TAFA4: variants seen among roughly 807,000 people sequenced by gnomAD.
TAFA4 encodes the protein chemokine-like protein TAFA-4.
A neutral mutation model predicts 21.1 loss-of-function variants in TAFA4; 20 were observed. That is an observed-to-expected ratio of 0.95 (90% CI 0.67 to 1.38). TAFA4 has a LOEUF of 1.38. TAFA4 is among the 40% of genes most tolerant of loss of function. The pLI, the probability that TAFA4 is intolerant of heterozygous loss-of-function variation, is 0.00. For synonymous variants in TAFA4, 71 were observed against 67.4 expected (o/e 1.05, Z -0.26); for missense variants, 211 against 180.9 (o/e 1.17, Z -0.95).
At chr3:68,753,121 C>G in intron 3 of TAFA4, 103 bp from the exon 4 acceptor site, 2 of 1,007,350 alleles carry the variant, frequency 2.0e-6, no homozygotes, top group African/African-American at 1.6e-5. Context: ...ACTTCCTGTG[C>G]TATGCTTATG....
intron 1 of TAFA4, among the ~76,000 whole-genome samples, chr3:68,922,995 T>C (rs571157327): frequency 6.6e-6 from 1 of 152,282 alleles, no homozygotes; most frequent in East Asian, 1.9e-4. Flanking sequence ...GTTCTAACCA[T>C]TGCCATTTTC....
At chr3:68,815,518 C>T in intron 3 of TAFA4, among the ~76,000 whole-genome samples, 2 of 152,176 alleles carry the variant, frequency 1.3e-5, no homozygotes, top group Non-Finnish European at 2.9e-5. Flanking sequence ...TGAACAGACA[C>T]TTCTCAAAAG....
chr3:68,824,706 T>G (rs1032304), intron 3 of TAFA4, among the ~76,000 whole-genome samples: 1 of 151,990 alleles, frequency 6.6e-6, no homozygotes, highest in Non-Finnish European at 1.5e-5. Context: ...TGACACAGAA[T>G]GCAATGTTTT....
chr3:68,869,758 C>G (rs1037624872), intron 3 of TAFA4, among the ~76,000 whole-genome samples: 9 of 151,850 alleles, frequency 5.9e-5, no homozygotes, highest in East Asian at 1.9e-4. Context: ...TAACATACTG[C>G]TTGGGGGGAA....
chr3:68,736,679 TG>T (rs1191522193), intron 5 of TAFA4, among the ~76,000 whole-genome samples: 1 of 152,102 alleles, frequency 6.6e-6, no homozygotes, highest in African/African-American at 2.4e-5. Flanking sequence ...GTCTTACCTG[TG>T]GTGTAAGGTC....
At chr3:68,880,591 T>G in intron 3 of TAFA4, 139 bp downstream of exon 3, 1 of 645,052 alleles carries the variant, frequency 1.6e-6, no homozygotes, top group Non-Finnish European at 2.7e-6. Context: ...ACTGTGTTAC[T>G]CCGCCATATT....
In TAFA4 at chr3:68,752,910, G is replaced by C. The variant is rs146024975; in HGVS notation, c.239C>G (p.Pro80Arg). ...RSQTVKCSCF[P>R]GQVAGTTRAQ... ...CCGAGTTGTGCCCGCCACCTGTCCC[G>C]GGAAGCAAGAGCACTTGACCGTTTG... is the stretch of plus-strand genomic sequence containing the variant. Residue 80 changes from proline (P) to arginine (R), a missense_variant, in exon 4 of 6, where the codon CCG becomes CGG. Pro to Arg is a moderately radical substitution (Grantham distance 103, BLOSUM62 -2). Coordinates refer to ENST00000295569, the MANE Select transcript of TAFA4 (RefSeq NM_182522.5). The C allele has an allele frequency of 3.1e-6, 5 of 1,613,882 alleles. No homozygotes were observed. The highest frequency in any genetic ancestry group is 4.2e-6 in the Non-Finnish European group (5 of 1,180,012).
intron 3 of TAFA4, among the ~76,000 whole-genome samples, chr3:68,840,963 T>C (rs1490362710): frequency 6.6e-6 from 1 of 152,192 alleles, no homozygotes; most frequent in Non-Finnish European, 1.5e-5. Context: ...CTGCTACCAA[T>C]ACGATAGCAC....
chr3:68,792,028 C>A (rs183105723), intron 3 of TAFA4, among the ~76,000 whole-genome samples: 59 of 152,254 alleles, frequency 3.9e-4, no homozygotes, highest in Non-Finnish European at 6.8e-4. Context: ...AGAGGACTTT[C>A]AATATGTAAT....
chr3:68,753,287 A>C (rs62254074), intron 3 of TAFA4, among the ~76,000 whole-genome samples: 59,329 of 150,920 alleles, frequency 0.39, 12,741 homozygotes, highest in Non-Finnish European at 0.49. Flanking sequence ...ATGACACATT[A>C]ATTACATGAT....
intron 1 of TAFA4, among the ~76,000 whole-genome samples, chr3:68,906,361 T>C (rs188455210): frequency 1.3e-5 from 2 of 152,346 alleles, no homozygotes; most frequent in East Asian, 3.9e-4. Context: ...CTTTTACTCT[T>C]GAGGGACTCA....
chr3:68,760,957 G>GAGAC (rs1702746082), intron 3 of TAFA4, among the ~76,000 whole-genome samples: 2 of 152,208 alleles, frequency 1.3e-5, no homozygotes, highest in African/African-American at 4.8e-5. Flanking sequence ...GTAGAAGAGA[G>GAGAC]AGACCCCTGT....
intron 3 of TAFA4, among the ~76,000 whole-genome samples, chr3:68,869,780 T>C (rs1169885036): frequency 6.6e-6 from 1 of 151,618 alleles, no homozygotes; most frequent in Non-Finnish European, 1.5e-5. Flanking sequence ...TTGAAAGACA[T>C]TTCTCTAAGA....
intron 3 of TAFA4, among the ~76,000 whole-genome samples, chr3:68,818,149 T>C (rs1208327119): frequency 6.6e-6 from 1 of 152,222 alleles, no homozygotes; most frequent in Non-Finnish European, 1.5e-5. Context: ...ATATCAGCAC[T>C]TGGCTACTTC....
At chr3:68,891,071 A>T (rs1253840710) in intron 1 of TAFA4, among the ~76,000 whole-genome samples, 1 of 152,136 alleles carries the variant, frequency 6.6e-6, no homozygotes, top group Non-Finnish European at 1.5e-5. Flanking sequence ...CTTCACCACC[A>T]TTTTTTTAAA....
chr3:68,833,992 C>T (rs773809501), intron 3 of TAFA4, among the ~76,000 whole-genome samples: 1 of 152,182 alleles, frequency 6.6e-6, no homozygotes, highest in Non-Finnish European at 1.5e-5. Context: ...GAGAGGCAGA[C>T]ACATATTCCC....
At chr3:68,887,466 G>C (rs2089684619) in intron 1 of TAFA4, among the ~76,000 whole-genome samples, 1 of 152,068 alleles carries the variant, frequency 6.6e-6, no homozygotes, top group South Asian at 2.1e-4. Context: ...CTCTGGGGTA[G>C]CCTCGCTCCC....
At chr3:68,871,397 C>G in intron 3 of TAFA4, among the ~76,000 whole-genome samples, 1 of 152,088 alleles carries the variant, frequency 6.6e-6, no homozygotes, top group South Asian at 2.1e-4. Flanking sequence ...CAAAGCTAGA[C>G]CCCTATCGCT....
chr3:68,827,599 C>G (rs1464710748), intron 3 of TAFA4, among the ~76,000 whole-genome samples: 1 of 152,174 alleles, frequency 6.6e-6, no homozygotes, highest in Admixed American at 6.5e-5. Context: ...GAGATGGTAT[C>G]TCATTGTGGT....
Sources: gnomAD v4.1 joint callset for allele counts (sites outside exome capture counted in the v4.1 genomes callset) on GRCh38, gnomAD v4.1.1 for gene constraint, MANE v1.5 for transcripts, NCBI Gene and HGNC (gene_info 2026-07-23, HGNC 2026-07-21) for gene names.